The following IL22RA2 variants were observed in gnomAD, a reference collection of about 807,000 sequenced individuals.
The protein encoded by IL22RA2 is interleukin 22 receptor subunit alpha 2.
Under a neutral mutation model 30.7 loss-of-function variants are expected in IL22RA2, and 39 were observed. The ratio of observed to expected loss-of-function variants is 1.27; its 90% confidence interval spans 0.98 to 1.66. The LOEUF (loss-of-function observed/expected upper bound fraction) is 1.66, where lower values mean the gene tolerates loss of function less well. Ranked by LOEUF, IL22RA2 falls within the 40% of genes most tolerant of loss-of-function variation. The probability of loss-of-function intolerance (pLI) is 0.00; values close to 1 mark genes in which losing one functional copy is unlikely to be tolerated. For synonymous variants in IL22RA2, 103 were observed against 105.0 expected (o/e 0.98, Z 0.11); for missense variants, 315 against 312.7 (o/e 1.01, Z -0.05).
At chr6:137,157,168 T>C (rs1778423268) in intron 3 of IL22RA2, among the ~76,000 whole-genome samples, 1 of 152,174 alleles carries the variant, frequency 6.6e-6, no homozygotes, top group African/African-American at 2.4e-5. Context: ...GATTTATAAA[T>C]ATAAAATCCT....
intron 1 of IL22RA2, among the ~76,000 whole-genome samples, chr6:137,164,049 G>C (rs1041304647): frequency 2.6e-5 from 4 of 152,170 alleles, no homozygotes; most frequent in African/African-American, 9.7e-5. Flanking sequence ...ACCCAGTCTG[G>C]TGGATCCAAG....
chr6:137,147,199 A>T (rs12182342), intron 6 of IL22RA2, among the ~76,000 whole-genome samples: 297 of 97,164 alleles, frequency 3.1e-3, no homozygotes, highest in Non-Finnish European at 3.4e-3. Flanking sequence ...AAAAAAAAAA[A>T]AAAAAAAAAA....
rs371156597 is a variant in IL22RA2 at position 137,158,342 on chromosome 6, C to G, written c.197+5G>C. The G allele has an allele frequency of 3.0e-5, 49 of 1,613,890 alleles. No individual in the cohort carries two copies. Among genetic ancestry groups the G allele is most frequent in the Non-Finnish European group, 8.5e-6 (10 of 1,179,872 alleles). On this transcript the variant is annotated splice_donor_5th_base_variant and intron_variant, in intron 3 of 6. Coordinates refer to ENST00000296980, the MANE Select transcript of IL22RA2 (RefSeq NM_052962.3). ...TATCAGCTGAAGGAGGCTCAATTTA[C>G]TTACATTTTGTACTGCACAAAATAG...
At chr6:137,171,185 A>T (rs1383326035) in intron 1 of IL22RA2, among the ~76,000 whole-genome samples, 1 of 152,260 alleles carries the variant, frequency 6.6e-6, no homozygotes, top group Non-Finnish European at 1.5e-5. Flanking sequence ...TAAACTAGGA[A>T]TTAGTCTCAG....
In IL22RA2 at chr6:137,154,894, G is replaced by T. The variant is rs770678586; in HGVS notation, c.472+47C>A. ...TCACTAGCCGTGCTCCGGGAGGGCTGTCCAAAAGCAGGAAGAACAAGGGCA... is the reference window on the plus strand; with the variant it reads ...TCACTAGCCGTGCTCCGGGAGGGCTTTCCAAAAGCAGGAAGAACAAGGGCA... On this transcript the variant is annotated intron_variant, in intron 5 of 6. Coordinates refer to ENST00000296980, the MANE Select transcript of IL22RA2 (RefSeq NM_052962.3). 4.0e-5 allele frequency: 63 copies of T among 1,572,968 alleles called. 1 individual carries two copies. The East Asian group carries it at 1.0e-3, about 26-fold the overall frequency.
chr6:137,151,781 C>CA (rs1318242098), intron 5 of IL22RA2, among the ~76,000 whole-genome samples: 2 of 151,964 alleles, frequency 1.3e-5, no homozygotes, highest in East Asian at 3.8e-4. Context: ...ACAAAATAGC[C>CA]AATAAGCATA....
intron 4 of IL22RA2, among the ~76,000 whole-genome samples, chr6:137,155,673 A>G (rs905979532): frequency 3.8e-4 from 58 of 152,066 alleles, no homozygotes; most frequent in African/African-American, 1.4e-3. Flanking sequence ...CCACCTCTCA[A>G]CATTGCTGCA....
In IL22RA2 at chr6:137,145,719, G is replaced by A. The variant is rs1165831693; in HGVS notation, c.697C>T (p.Pro233Ser). 7 of 1,613,806 alleles carry A rather than the reference G, an allele frequency of 4.3e-6. No individual in the cohort carries two copies. In the East Asian group the frequency reaches 1.6e-4, roughly 36 times the overall value. Reference sequence around the variant, plus strand: ...GCCACTACACAGTAGCTGGAGTGTGGTGTTAGAGCTTCAATTTCAACCGCT... The same window carrying A: ...GCCACTACACAGTAGCTGGAGTGTGATGTTAGAGCTTCAATTTCAACCGCT... ...HRAVEIEALT[P>S]HSSYCVVAEI... is the part of the protein sequence containing the mutation. The change falls in exon 7 of 7, where the codon CCA becomes TCA. Residue 233 changes from proline (P) to serine (S), a missense_variant. Physicochemically the swap from Pro to Ser is moderately conservative, Grantham distance 74 (BLOSUM62 -1). Transcript: ENST00000296980.
In IL22RA2 at chr6:137,147,779, T is replaced by C. The variant is rs200426321; in HGVS notation, c.585A>G (p.Ile195Met). The C allele has an allele frequency of 3.1e-5, 50 of 1,607,210 alleles. No individual in the cohort carries two copies. Among genetic ancestry groups the C allele is most frequent in the Non-Finnish European group, 3.8e-5 (45 of 1,173,968 alleles). The change falls in exon 6 of 7, where the codon ATA becomes ATG. Residue 195 changes from isoleucine (I) to methionine (M), a missense_variant. By Grantham distance (10) the Ile-to-Met change is conservative (BLOSUM62 1). Coordinates refer to ENST00000296980, the MANE Select transcript of IL22RA2 (RefSeq NM_052962.3). ...YRYQKEKNVS[I>M]EDYYELLYRV... The stretch of plus-strand genomic sequence containing the variant: ...GGTATAGTAGTTCATAGTAATCTTC[T>C]ATAGATACATTTTTTTCCTTTTGGT...
At position 137,145,556 on chromosome 6, in the gene IL22RA2, A is replaced by G; in HGVS notation, c.*68T>C. 7.0e-7 allele frequency: 1 copy of G among 1,425,076 alleles called. No individual in the cohort carries two copies. Among genetic ancestry groups the G allele is most frequent in the African/African-American group, 1.4e-5 (1 of 69,642 alleles). 88.3% of individuals were successfully genotyped at this position (1,425,076 alleles called of 1,614,324 possible). On this transcript the variant is annotated 3_prime_UTR_variant, in exon 7 of 7. Transcript: ENST00000296980. ...AAAACAATTTTAAATAAGATCCTTC[A>G]AACACGAGTCATCCTGTTCTCAGGG...
chr6:137,156,658 T>A (rs1202116596), intron 4 of IL22RA2, 101 bp downstream of exon 4: 3 of 1,464,934 alleles, frequency 2.0e-6, no homozygotes, highest in Non-Finnish European at 2.8e-6. Flanking sequence ...AGGAATGGAT[T>A]CAGGTATTCT....
chr6:137,165,991 G>T (rs2114392518), intron 1 of IL22RA2, among the ~76,000 whole-genome samples: 1 of 152,346 alleles, frequency 6.6e-6, no homozygotes, highest in South Asian at 2.1e-4. Flanking sequence ...CACTGCTGCT[G>T]ATAGAATGGG....
chr6:137,157,002 G>T, intron 3 of IL22RA2, 148 bp from the exon 4 acceptor site: 1 of 1,164,336 alleles, frequency 8.6e-7, no homozygotes, highest in Non-Finnish European at 1.2e-6. Flanking sequence ...CAGCAATAAT[G>T]GTACCAAGCC....
At chr6:137,148,102 T>C (rs946351761) in intron 5 of IL22RA2, among the ~76,000 whole-genome samples, 1 of 152,144 alleles carries the variant, frequency 6.6e-6, no homozygotes, top group African/African-American at 2.4e-5. Flanking sequence ...GAAAATTGCA[T>C]ATGTATTTGA....
chr6:137,166,072 C>T (rs1474163963), intron 1 of IL22RA2, among the ~76,000 whole-genome samples: 1 of 152,210 alleles, frequency 6.6e-6, no homozygotes, highest in Non-Finnish European at 1.5e-5. Flanking sequence ...ATGAAGTTTT[C>T]TCAAGCTGAA....
At chr6:137,163,890 G>A (rs773459506) in intron 1 of IL22RA2, among the ~76,000 whole-genome samples, 3 of 152,286 alleles carry the variant, frequency 2.0e-5, no homozygotes, top group Admixed American at 6.5e-5. Context: ...ATCTCTTAGC[G>A]TGGACTGTGT....
intron 5 of IL22RA2, among the ~76,000 whole-genome samples, chr6:137,153,292 A>G (rs1199239327): frequency 1.3e-5 from 2 of 152,118 alleles, no homozygotes; most frequent in East Asian, 3.9e-4. Context: ...TCGCTCAGAA[A>G]TCCATGACTT....
chr6:137,164,551 A>G (rs2114389233), intron 1 of IL22RA2, among the ~76,000 whole-genome samples: 1 of 152,340 alleles, frequency 6.6e-6, no homozygotes, highest in African/African-American at 2.4e-5. Context: ...CCACCCCACT[A>G]TGCACCAATT....
Position 137,158,434 on chromosome 6 carries a change from T to G in IL22RA2, c.110A>C (p.Gln37Pro). ...ESLKPQRVQF[Q>P]SRNFHNILQW... ...CAAAATGTTGTGAAAATTTCGGGAC[T>G]GAAATTGTACCCTCTGAGGCTTCAG... Residue 37 changes from glutamine to proline, a missense_variant, in exon 3 of 7, where the codon CAG (glutamine) becomes CCG (proline). Coordinates refer to ENST00000296980, the MANE Select transcript of IL22RA2 (RefSeq NM_052962.3). The G allele has an allele frequency of 1.2e-6, 2 of 1,614,106 alleles. No homozygotes were observed. The highest frequency in any genetic ancestry group is 2.2e-5 in the South Asian group (2 of 91,080).
Sources: gnomAD v4.1 joint callset for allele counts (sites outside exome capture counted in the v4.1 genomes callset) on GRCh38, gnomAD v4.1.1 for gene constraint, MANE v1.5 for transcripts, NCBI Gene and HGNC (gene_info 2026-07-23, HGNC 2026-07-21) for gene names.